Variants in VAV3 observed in about 807,000 individuals in gnomAD.
VAV3 encodes the protein vav guanine nucleotide exchange factor 3, also known as guanine nucleotide exchange factor VAV3.
A neutral mutation model predicts 131.2 loss-of-function variants in VAV3; 94 were observed. The ratio of observed to expected loss-of-function variants is 0.72; its 90% CI spans 0.61 to 0.85. The LOEUF is 0.85. Ranked by LOEUF, VAV3 falls within the 40% of genes least tolerant of loss-of-function variation. The pLI is 0.00. For synonymous variants in VAV3, 349 were observed against 342.0 expected, an observed-to-expected ratio of 1.02 and a Z score of -0.22; for missense variants, 939 against 1,002.7, an observed-to-expected ratio of 0.94 and a Z score of 0.86.
Position 107,751,118 on chromosome 1 carries a change from T to C in VAV3, c.1258A>G (p.Arg420Gly), listed in dbSNP as rs1435927404. Residue 420 changes from arginine to glycine, a missense_variant and splice_region_variant, in exon 13 of 27, where the codon AGG becomes GGG. Transcript: ENST00000370056. Reference protein sequence around the residue: ...TTLDKHTKQERHIFLFDLAVI... With the variant: ...TTLDKHTKQEGHIFLFDLAVI... The stretch of plus-strand genomic sequence containing the variant: ...AAAATAGTATTCTTCTTTTCTTACC[T>C]TTCTTGTTTGGTATGCTTGTCTAGA... The C allele has an allele frequency of 6.2e-7, 1 of 1,609,002 alleles. No homozygotes were observed. Among genetic ancestry groups the C allele is most frequent in the Non-Finnish European group, 8.5e-7 (1 of 1,178,770 alleles).
chr1:107,811,580 A>T (rs185101271), intron 2 of VAV3, among the ~76,000 whole-genome samples: 2 of 152,188 alleles, frequency 1.3e-5, no homozygotes, highest in South Asian at 2.1e-4. Context: ...GTTATTAAAA[A>T]TTTTTCAAAA....
At chr1:107,653,747 A>T (rs536303432) in intron 19 of VAV3, among the ~76,000 whole-genome samples, 1 of 152,230 alleles carries the variant, frequency 6.6e-6, no homozygotes, top group Non-Finnish European at 1.5e-5. Flanking sequence ...GAGGAGGCTA[A>T]CTATGTGTCT....
chr1:107,827,388 C>T (rs2102378627), intron 2 of VAV3, among the ~76,000 whole-genome samples: 1 of 152,270 alleles, frequency 6.6e-6, no homozygotes, highest in South Asian at 2.1e-4. Context: ...TCTCATCACA[C>T]TCATCAGGGT....
chr1:107,850,503 T>A (rs1330159577), intron 2 of VAV3, among the ~76,000 whole-genome samples: 3 of 143,372 alleles, frequency 2.1e-5, no homozygotes, highest in Non-Finnish European at 3.0e-5. Flanking sequence ...TTCTCACTTA[T>A]AAATGTGAGC....
At chr1:107,793,288 A>T (rs552229489) in intron 2 of VAV3, among the ~76,000 whole-genome samples, 1 of 152,298 alleles carries the variant, frequency 6.6e-6, no homozygotes, top group East Asian at 1.9e-4. Context: ...AAAACCACAA[A>T]AACCAAAACA....
intron 1 of VAV3, among the ~76,000 whole-genome samples, chr1:107,898,358 T>C: frequency 6.6e-6 from 1 of 152,220 alleles, no homozygotes; most frequent in South Asian, 2.1e-4. Flanking sequence ...GTTTTTACTT[T>C]GAAAAATAAA....
intron 21 of VAV3, among the ~76,000 whole-genome samples, chr1:107,616,582 CTAAAA>C (rs1653172404): frequency 6.6e-6 from 1 of 152,198 alleles, no homozygotes; most frequent in Non-Finnish European, 1.5e-5. Context: ...ACCCCTAAAC[CTAAAA>C]TAAAAGTTAA....
intron 20 of VAV3, among the ~76,000 whole-genome samples, chr1:107,622,820 T>A (rs1210125589): frequency 6.6e-6 from 1 of 152,140 alleles, no homozygotes; most frequent in Admixed American, 6.5e-5. Flanking sequence ...AAAGAAGATG[T>A]ACAGCATGGC....
chr1:107,657,246 C>T (rs144988371), intron 19 of VAV3, among the ~76,000 whole-genome samples: 1 of 152,210 alleles, frequency 6.6e-6, no homozygotes, highest in Admixed American at 6.5e-5. Context: ...TGAGCCACCA[C>T]GCCCGGCCTC....
At chr1:107,715,372 T>C (rs1267904222) in intron 15 of VAV3, among the ~76,000 whole-genome samples, 1 of 152,214 alleles carries the variant, frequency 6.6e-6, no homozygotes, top group Non-Finnish European at 1.5e-5. Flanking sequence ...AAACATTTAG[T>C]GGAAAGCTAG....
chr1:107,857,001 T>C (rs903242372), intron 2 of VAV3, among the ~76,000 whole-genome samples: 1 of 152,026 alleles, frequency 6.6e-6, no homozygotes, highest in African/African-American at 2.4e-5. Flanking sequence ...ATTGCACCAT[T>C]TCACTCCACT....
intron 15 of VAV3, among the ~76,000 whole-genome samples, chr1:107,723,169 A>T (rs570450576): frequency 6.6e-6 from 1 of 152,294 alleles, no homozygotes; most frequent in Non-Finnish European, 1.5e-5. Context: ...TAGAATCTTA[A>T]AAACTGCTGT....
chr1:107,662,937 G>A (rs1394567338), intron 19 of VAV3, among the ~76,000 whole-genome samples: 1 of 152,114 alleles, frequency 6.6e-6, no homozygotes, highest in Non-Finnish European at 1.5e-5. Flanking sequence ...CCTGCACATC[G>A]ACTTCTCGGG....
At chr1:107,838,746 T>C (rs1668574892) in intron 2 of VAV3, among the ~76,000 whole-genome samples, 1 of 152,146 alleles carries the variant, frequency 6.6e-6, no homozygotes, top group Non-Finnish European at 1.5e-5. Flanking sequence ...TTGTACACCA[T>C]GGGATACTGT....
intron 19 of VAV3, among the ~76,000 whole-genome samples, chr1:107,666,265 G>T (rs1657398044): frequency 6.6e-6 from 1 of 152,180 alleles, no homozygotes; most frequent in African/African-American, 2.4e-5. Context: ...CACAGAACTG[G>T]CTACTGGCAC....
intron 1 of VAV3, among the ~76,000 whole-genome samples, chr1:107,945,362 A>G (rs968399118): frequency 2.6e-5 from 4 of 152,230 alleles, no homozygotes; most frequent in Non-Finnish European, 4.4e-5. Flanking sequence ...AATATCTAAA[A>G]TTATTTCCCT....
At chr1:107,674,462 G>C (rs1455372731) in intron 19 of VAV3, among the ~76,000 whole-genome samples, 6 of 152,160 alleles carry the variant, frequency 3.9e-5, no homozygotes, top group Non-Finnish European at 5.9e-5. Flanking sequence ...GGTAACAGCA[G>C]CCACTAATGA....
At chr1:107,774,788 G>A (rs1383646299) in intron 4 of VAV3, among the ~76,000 whole-genome samples, 2 of 152,164 alleles carry the variant, frequency 1.3e-5, no homozygotes, top group African/African-American at 2.4e-5. Flanking sequence ...TTCCGTTTGG[G>A]TGAATGCAGC....
At chr1:107,869,379 G>C (rs553444008) in intron 2 of VAV3, among the ~76,000 whole-genome samples, 1 of 151,948 alleles carries the variant, frequency 6.6e-6, no homozygotes, top group Admixed American at 6.6e-5. Context: ...TTCAAAATTC[G>C]ACACCTATGT....
Sources: allele counts gnomAD v4.1 joint callset (sites outside exome capture counted in the v4.1 genomes callset), GRCh38; gene constraint gnomAD v4.1.1; transcripts MANE v1.5; gene names NCBI Gene and HGNC (gene_info 2026-07-23, HGNC 2026-07-21).